PLCZ1: variants seen among roughly 807,000 people sequenced by gnomAD.
PLCZ1 encodes the protein 1-phosphatidylinositol 4,5-bisphosphate phosphodiesterase zeta-1.
In PLCZ1, 64 loss-of-function variants were observed where a neutral mutation model predicts 76.8. The observed-to-expected ratio is 0.83, with a 90% confidence interval of 0.68 to 1.03. The LOEUF (loss-of-function observed/expected upper bound fraction) is 1.03. PLCZ1 is among the 50% of genes least tolerant of loss of function. PLCZ1 has a pLI of 0.00. For synonymous variants in PLCZ1, 248 were observed against 230.8 expected, an observed-to-expected ratio of 1.07 and a Z score of -0.68; for missense variants, 751 against 713.7, an observed-to-expected ratio of 1.05 and a Z score of -0.60.
chr12:18,650,714 A>C, the PLCZ1 span, among the ~76,000 whole-genome samples: 2 of 3,584 alleles, frequency 5.6e-4, no homozygotes, highest in African/African-American at 7.3e-4. Context: ...GTATATATCT[A>C]TATATATATA....
chr12:18,703,375 A>G (rs1267507160), intron 7 of PLCZ1, among the ~76,000 whole-genome samples: 1 of 152,222 alleles, frequency 6.6e-6, no homozygotes, highest in Non-Finnish European at 1.5e-5. Context: ...ATGTTAAAAG[A>G]AGTAAAATTT....
chr12:18,660,260 C>T, the PLCZ1 span, among the ~76,000 whole-genome samples: 1,304 of 152,104 alleles, frequency 8.6e-3, 11 homozygotes, highest in Non-Finnish European at 0.012. Flanking sequence ...CACAGCTTGC[C>T]GAAACCAGCA....
the PLCZ1 span, among the ~76,000 whole-genome samples, chr12:18,651,991 A>C: frequency 6.6e-6 from 1 of 152,114 alleles, no homozygotes; most frequent in Non-Finnish European, 1.5e-5. Flanking sequence ...AAAAAAGTAT[A>C]TTTATTATTG....
Position 18,701,716 on chromosome 12 carries a change from C to A in PLCZ1, c.925G>T (p.Glu309Ter), listed in dbSNP as rs1418844199. ...CCACGCTTATCAGAACCTTTTCTTT[C>A]ATGGGTTTCCTTTAAGGTTCCTATT... The part of the protein sequence containing the change: ...KKIGTLKETH[E>*]RKGSDKRGDN... The change falls in exon 8 of 15, where the codon GAA (glutamate) becomes TAA (stop). Residue 309 changes from glutamate (E) to a stop codon, truncating the protein, a stop_gained. Coordinates refer to ENST00000266505, the MANE Select transcript of PLCZ1 (RefSeq NM_033123.4). LOFTEE classifies it high-confidence loss of function. 1.9e-6 allele frequency: 3 copies of A among 1,612,332 alleles called. No homozygotes were observed. Among genetic ancestry groups the A allele is most frequent in the Non-Finnish European group, 2.5e-6 (3 of 1,179,368 alleles).
chr12:18,673,726 C>T, the PLCZ1 span, among the ~76,000 whole-genome samples: 6 of 152,178 alleles, frequency 3.9e-5, no homozygotes, highest in Admixed American at 3.9e-4. Flanking sequence ...TCTGCAGTCT[C>T]ATCTGACTTC....
At chr12:18,669,818 T>C in the PLCZ1 span, among the ~76,000 whole-genome samples, 1 of 152,056 alleles carries the variant, frequency 6.6e-6, no homozygotes, top group East Asian at 1.9e-4. Flanking sequence ...CCACCATGCC[T>C]GGCTAATTTT....
chr12:18,647,993 GA>G, the PLCZ1 span: 5 of 1,595,954 alleles, frequency 3.1e-6, no homozygotes, highest in South Asian at 1.1e-5. Flanking sequence ...ACTCGATAAA[GA>G]AAAATGGTAT....
At chr12:18,646,731 T>C in the PLCZ1 span, among the ~76,000 whole-genome samples, 4 of 152,128 alleles carry the variant, frequency 2.6e-5, no homozygotes, top group African/African-American at 9.7e-5. Flanking sequence ...CTAAATGTGT[T>C]CTAAGACATT....
chr12:18,674,455 G>A, the PLCZ1 span, among the ~76,000 whole-genome samples: 5 of 152,152 alleles, frequency 3.3e-5, no homozygotes, highest in African/African-American at 7.2e-5. Flanking sequence ...TGCCTGGCAC[G>A]TGATATTTTC....
At chr12:18,673,709 C>A in the PLCZ1 span, among the ~76,000 whole-genome samples, 2 of 152,190 alleles carry the variant, frequency 1.3e-5, no homozygotes, top group African/African-American at 4.8e-5. Context: ...CACAAGGCTA[C>A]AAAGGGTCTG....
chr12:18,679,685 C>T (rs553054715), downstream of PLCZ1, among the ~76,000 whole-genome samples: 4 of 152,010 alleles, frequency 2.6e-5, no homozygotes, highest in South Asian at 2.1e-4. Context: ...CCCTGGCTAA[C>T]GTTGCAGATA....
At chr12:18,686,794 A>G (rs1953221974) in intron 13 of PLCZ1, among the ~76,000 whole-genome samples, 1 of 152,094 alleles carries the variant, frequency 6.6e-6, no homozygotes, top group Non-Finnish European at 1.5e-5. Flanking sequence ...TTCATTTAAT[A>G]AACAGATTTT....
At chr12:18,687,540 C>A (rs921547705) in intron 13 of PLCZ1, among the ~76,000 whole-genome samples, 1 of 152,066 alleles carries the variant, frequency 6.6e-6, no homozygotes, top group Non-Finnish European at 1.5e-5. Context: ...TCATAGCATG[C>A]CAGAATGATG....
At chr12:18,733,313 A>G (rs1440057316) in intron 3 of PLCZ1, among the ~76,000 whole-genome samples, 1 of 152,160 alleles carries the variant, frequency 6.6e-6, no homozygotes, top group African/African-American at 2.4e-5. Context: ...TGGGGTTTCC[A>G]TTCTATGGAG....
chr12:18,700,627 G>C (rs1312786847), intron 9 of PLCZ1, among the ~76,000 whole-genome samples: 14 of 150,482 alleles, frequency 9.3e-5, no homozygotes, highest in African/African-American at 3.2e-4. Context: ...CACCAACACA[G>C]AGAAAGTGGG....
chr12:18,649,722 G>T, the PLCZ1 span, among the ~76,000 whole-genome samples: 1 of 152,006 alleles, frequency 6.6e-6, no homozygotes, highest in Non-Finnish European at 1.5e-5. Flanking sequence ...TAAATCCAAA[G>T]GTTATTTTTC....
intron 6 of PLCZ1, among the ~76,000 whole-genome samples, chr12:18,712,481 T>C (rs1957455938): frequency 1.3e-5 from 2 of 152,202 alleles, no homozygotes; most frequent in Non-Finnish European, 1.5e-5. Context: ...CATTTTATTT[T>C]GTCTTGAAAG....
chr12:18,659,707 G>A, the PLCZ1 span, among the ~76,000 whole-genome samples: 2 of 132,898 alleles, frequency 1.5e-5, no homozygotes, highest in African/African-American at 2.9e-5. Flanking sequence ...AAGTTTTAGG[G>A]CACATGTGCA....
At chr12:18,665,174 A>T in the PLCZ1 span, among the ~76,000 whole-genome samples, 7,329 of 150,204 alleles carry the variant, frequency 0.049, 270 homozygotes, top group African/African-American at 0.1. Context: ...AAAAAATAAA[A>T]AAAAATTAAA....
Sources: gnomAD v4.1 joint callset for allele counts (sites outside exome capture counted in the v4.1 genomes callset) on GRCh38, gnomAD v4.1.1 for gene constraint, MANE v1.5 for transcripts, NCBI Gene and HGNC (gene_info 2026-07-23, HGNC 2026-07-21) for gene names.